The following RBFOX1 variants were observed in gnomAD, a reference collection of about 807,000 sequenced individuals.
RBFOX1 encodes the protein RNA binding protein fox-1 homolog 1.
A neutral mutation model predicts 57.7 loss-of-function variants in RBFOX1; 8 were observed. The observed-to-expected ratio is 0.14, with a 90% CI of 0.08 to 0.25. RBFOX1 has a LOEUF of 0.25. Among genes scored for constraint, RBFOX1 ranks in the 10% least tolerant of loss-of-function variants. RBFOX1 has a pLI of 1.00. For missense variants in RBFOX1, 611 were observed against 548.5 expected (o/e 1.11, Z -1.14); for synonymous variants, 326 against 222.4 (o/e 1.47, Z -4.15).
At chr16:6,646,326 T>C (rs1388337698) in intron 2 of RBFOX1, among the ~76,000 whole-genome samples, 1 of 152,124 alleles carries the variant, frequency 6.6e-6, no homozygotes, top group Non-Finnish European at 1.5e-5. Context: ...CCCGCATAGA[T>C]CTGCAGCAGA....
intron 4 of RBFOX1, among the ~76,000 whole-genome samples, chr16:7,492,381 A>G (rs76612813): frequency 1.4e-3 from 214 of 152,298 alleles, no homozygotes; most frequent in African/African-American, 4.5e-3. Flanking sequence ...TTAAATGACT[A>G]TGTGACAAGG....
At chr16:7,567,242 CATATATCCCTAT>C (rs1262055583) in intron 5 of RBFOX1, among the ~76,000 whole-genome samples, 1 of 70,926 alleles carries the variant, frequency 1.4e-5, no homozygotes, top group Non-Finnish European at 2.7e-5. Context: ...TATATATATC[CATATATCCCTAT>C]ATATATATAT....
Position 7,468,041 on chromosome 16 carries a change from C to G in RBFOX1, c.28-50106C>G, listed in dbSNP as rs140100582. ...ATGCCTAATTCCGACTTGTTAGCCGCTGAACTTCTGAGAACAGAATCAGCT... is the reference window on the plus strand; with the variant it reads ...ATGCCTAATTCCGACTTGTTAGCCGGTGAACTTCTGAGAACAGAATCAGCT... On this transcript the variant is annotated intron_variant, in intron 4 of 15. Coordinates refer to ENST00000550418, the MANE Select transcript of RBFOX1 (RefSeq NM_018723.4). Among the ~76,000 whole-genome samples the G allele has an allele frequency of 5.3e-5, 8 of 152,372 alleles. No homozygotes were observed. In the East Asian group the frequency reaches 1.5e-3, roughly 29 times the overall value.
At chr16:6,858,649 C>T (rs547208062) in intron 3 of RBFOX1, among the ~76,000 whole-genome samples, 2 of 152,130 alleles carry the variant, frequency 1.3e-5, no homozygotes, top group Admixed American at 1.3e-4. Context: ...TGAGACATAT[C>T]ACTAATCTCT....
intron 3 of RBFOX1, among the ~76,000 whole-genome samples, chr16:7,004,296 C>T (rs148038730): frequency 5.3e-5 from 8 of 152,242 alleles, no homozygotes; most frequent in South Asian, 2.1e-4. Flanking sequence ...ATTAAATTAA[C>T]TCCATTCGGA....
At chr16:5,931,703 T>C (rs2059062025) in intron 4 of RBFOX1, among the ~76,000 whole-genome samples, 1 of 152,150 alleles carries the variant, frequency 6.6e-6, no homozygotes, top group African/African-American at 2.4e-5. Context: ...TTTGGAGCCC[T>C]TCTTTGTGTA....
At chr16:5,477,159 C>T (rs1296484097) in intron 2 of RBFOX1, among the ~76,000 whole-genome samples, 3 of 152,146 alleles carry the variant, frequency 2.0e-5, no homozygotes, top group Non-Finnish European at 4.4e-5. Flanking sequence ...CAAGCACAGG[C>T]GCATGCCACT....
At chr16:7,177,996 C>G (rs1331022073) in intron 4 of RBFOX1, among the ~76,000 whole-genome samples, 1 of 152,072 alleles carries the variant, frequency 6.6e-6, no homozygotes. Flanking sequence ...TTTCTTCTGA[C>G]CTATTGATTC....
chr16:7,181,882 T>G (rs2082783384), intron 4 of RBFOX1, among the ~76,000 whole-genome samples: 1 of 151,930 alleles, frequency 6.6e-6, no homozygotes, highest in South Asian at 2.1e-4. Flanking sequence ...GCTTTCTGAG[T>G]CACCATATGT....
intron 1 of RBFOX1, among the ~76,000 whole-genome samples, chr16:6,095,019 C>T (rs1417069064): frequency 6.6e-6 from 1 of 152,174 alleles, no homozygotes; most frequent in Middle Eastern, 3.2e-3. Flanking sequence ...GAGATGGCAC[C>T]ACTGCACTCC....
At chr16:5,882,628 G>T (rs889085624) in intron 4 of RBFOX1, among the ~76,000 whole-genome samples, 1 of 152,162 alleles carries the variant, frequency 6.6e-6, no homozygotes, top group African/African-American at 2.4e-5. Context: ...TTCAACATTT[G>T]AGGGGACACT....
chr16:5,619,128 A>T (rs949199331), intron 3 of RBFOX1, among the ~76,000 whole-genome samples: 1 of 152,144 alleles, frequency 6.6e-6, no homozygotes, highest in Admixed American at 6.5e-5. Flanking sequence ...AAAATTGTCC[A>T]TTTTACAAGA....
intron 4 of RBFOX1, among the ~76,000 whole-genome samples, chr16:7,179,970 T>G (rs1317794202): frequency 6.6e-6 from 1 of 152,050 alleles, no homozygotes; most frequent in Non-Finnish European, 1.5e-5. Flanking sequence ...CTAGAACTCC[T>G]GACCTCAAGT....
At chr16:6,477,411 C>T (rs556686731) in intron 2 of RBFOX1, among the ~76,000 whole-genome samples, 1 of 152,146 alleles carries the variant, frequency 6.6e-6, no homozygotes, top group Non-Finnish European at 1.5e-5. Flanking sequence ...ACACTTATGT[C>T]CTTGTGCTTC....
intron 4 of RBFOX1, among the ~76,000 whole-genome samples, chr16:7,318,450 C>T (rs975814345): frequency 6.6e-6 from 1 of 152,082 alleles, no homozygotes; most frequent in African/African-American, 2.4e-5. Flanking sequence ...TACCTGGCTT[C>T]AGATTTGGTT....
chr16:5,800,192 G>A (rs2151751201), intron 3 of RBFOX1, among the ~76,000 whole-genome samples: 1 of 152,256 alleles, frequency 6.6e-6, no homozygotes, highest in Admixed American at 6.5e-5. Context: ...AAGGGTAAGG[G>A]AAGGGGAAGT....
rs7199825 is a variant in RBFOX1, at chr16:5,590,970, G to A, written c.259-7932G>A. On this transcript the variant is annotated intron_variant, in intron 2 of 2. Coordinates refer to the RBFOX1 transcript ENST00000585867. ...AGACCACACTGAAAGGACTCCTGTC[G>A]TCCAAAGCGACCCCAAATTCATTTA... 4.6e-5 allele frequency among the ~76,000 whole-genome samples: 7 copies of A among 151,470 alleles called. 1 individual carries two copies. The highest frequency in any genetic ancestry group is 4.2e-4 in the South Asian group (2 of 4,800).
At chr16:5,596,211 A>G (rs991505191) in intron 2 of RBFOX1, among the ~76,000 whole-genome samples, 6 of 152,174 alleles carry the variant, frequency 3.9e-5, no homozygotes, top group African/African-American at 9.7e-5. Flanking sequence ...TAGGTTCCCA[A>G]GTAAGATCAT....
At chr16:5,837,384 T>C (rs967983388) in intron 3 of RBFOX1, among the ~76,000 whole-genome samples, 3 of 152,112 alleles carry the variant, frequency 2.0e-5, no homozygotes, top group African/African-American at 7.2e-5. Context: ...GAGATCTTAT[T>C]GGACACATTG....
Sources: gnomAD v4.1 joint callset for allele counts (sites outside exome capture counted in the v4.1 genomes callset) on GRCh38, gnomAD v4.1.1 for gene constraint, MANE v1.5 for transcripts, NCBI Gene and HGNC (gene_info 2026-07-23, HGNC 2026-07-21) for gene names.